SERPINI1: variants seen among roughly 807,000 people sequenced by gnomAD.
SERPINI1 encodes the protein neuroserpin.
In SERPINI1, 19 loss-of-function variants were observed where a neutral mutation model predicts 41.1. The ratio of observed to expected loss-of-function variants is 0.46; its 90% CI spans 0.32 to 0.68. The LOEUF (loss-of-function observed/expected upper bound fraction) is 0.68, where lower values mean the gene tolerates loss of function less well. Among genes scored for constraint, SERPINI1 ranks in the 30% least tolerant of loss-of-function variants. SERPINI1 has a pLI of 0.03. For missense variants in SERPINI1, 460 were observed against 479.2 expected, an observed-to-expected ratio of 0.96 and a Z score of 0.37; for synonymous variants, 138 against 156.6, an observed-to-expected ratio of 0.88 and a Z score of 0.89.
At chr3:167,776,454 C>A (rs9864616) in intron 1 of SERPINI1, among the ~76,000 whole-genome samples, 1 of 152,012 alleles carries the variant, frequency 6.6e-6, no homozygotes, top group Non-Finnish European at 1.5e-5. Context: ...AAAAGCCTTT[C>A]GAATTCCAAA....
At chr3:167,743,659 T>A (rs1214812966) in intron 1 of SERPINI1, among the ~76,000 whole-genome samples, 1 of 152,178 alleles carries the variant, frequency 6.6e-6, no homozygotes, top group African/African-American at 2.4e-5. Context: ...GTTTGGATTC[T>A]ATAGGGGAAT....
At chr3:167,773,001 G>C (rs940491433) in intron 1 of SERPINI1, among the ~76,000 whole-genome samples, 3 of 127,942 alleles carry the variant, frequency 2.3e-5, no homozygotes, top group Middle Eastern at 7.8e-3. Flanking sequence ...TTTCTCTGAA[G>C]TTTATCTGAC....
At chr3:167,756,606 A>C (rs1259891140) in intron 1 of SERPINI1, among the ~76,000 whole-genome samples, 1 of 152,214 alleles carries the variant, frequency 6.6e-6, no homozygotes, top group Non-Finnish European at 1.5e-5. Context: ...CGCAACACCC[A>C]GCCCTAAAAT....
chr3:167,767,849 C>T (rs192990851), intron 1 of SERPINI1, among the ~76,000 whole-genome samples: 5 of 152,262 alleles, frequency 3.3e-5, no homozygotes, highest in Admixed American at 2.6e-4. Context: ...TCTGCAATCT[C>T]ATGATCAAAT....
Position 167,814,382 on chromosome 3 carries a change from A to G in SERPINI1, c.979+7041A>G, listed in dbSNP as rs527904707. Among the ~76,000 whole-genome samples the G allele has an allele frequency of 9.2e-5, 14 of 152,330 alleles. No individual in the cohort carries two copies. The East Asian group carries it at 1.2e-3, about 13-fold the overall frequency. On this transcript the variant is annotated intron_variant, in intron 6 of 8. Transcript: ENST00000446050. ...AAGCAAACAAAGAAACATTATTCCT[A>G]TCGTAAGAGAACTCAAATTCTAGGA...
At chr3:167,793,636 C>G (rs1360574682) in intron 4 of SERPINI1, among the ~76,000 whole-genome samples, 1 of 146,920 alleles carries the variant, frequency 6.8e-6, no homozygotes, top group African/African-American at 2.6e-5. Context: ...ACCTATAGTC[C>G]TAGCTACTTG....
At chr3:167,747,081 T>C (rs1386464522) in intron 1 of SERPINI1, among the ~76,000 whole-genome samples, 1 of 152,224 alleles carries the variant, frequency 6.6e-6, no homozygotes, top group African/African-American at 2.4e-5. Context: ...AGTGGAATAT[T>C]ATTTGACGAT....
chr3:167,758,078 AC>A (rs1726247201), intron 1 of SERPINI1, among the ~76,000 whole-genome samples: 1 of 152,230 alleles, frequency 6.6e-6, no homozygotes, highest in East Asian at 1.9e-4. Context: ...TAATTCCTTT[AC>A]ACGGATTCAT....
intron 6 of SERPINI1, among the ~76,000 whole-genome samples, chr3:167,819,030 A>G (rs1350360188): frequency 6.6e-6 from 1 of 152,330 alleles, no homozygotes; most frequent in African/African-American, 2.4e-5. Context: ...TTGGCTCTTG[A>G]TGCTTAACTC....
At chr3:167,768,802 G>T (rs1726645753) in intron 1 of SERPINI1, among the ~76,000 whole-genome samples, 1 of 152,132 alleles carries the variant, frequency 6.6e-6, no homozygotes, top group African/African-American at 2.4e-5. Flanking sequence ...ATCCAGCACT[G>T]GCTGCTGCAG....
At chr3:167,765,264 C>T (rs1421568798) in intron 1 of SERPINI1, among the ~76,000 whole-genome samples, 1 of 152,240 alleles carries the variant, frequency 6.6e-6, no homozygotes, top group African/African-American at 2.4e-5. Context: ...TCTGCCTGGG[C>T]AATCAGGCGT....
At chr3:167,760,697 A>C (rs113423447) in intron 1 of SERPINI1, among the ~76,000 whole-genome samples, 26 of 152,202 alleles carry the variant, frequency 1.7e-4, no homozygotes, top group African/African-American at 5.8e-4. Context: ...ATCTGGCCAA[A>C]GATTACGCAA....
At chr3:167,765,234 T>A (rs1417265914) in intron 1 of SERPINI1, among the ~76,000 whole-genome samples, 1 of 152,124 alleles carries the variant, frequency 6.6e-6, no homozygotes, top group African/African-American at 2.4e-5. Flanking sequence ...TGCATGAGAG[T>A]CCCACCCCTG....
chr3:167,824,697 T>C (rs1005389228), intron 8 of SERPINI1, 135 bp downstream of exon 8: 4 of 614,018 alleles, frequency 6.5e-6, no homozygotes, highest in Non-Finnish European at 1.1e-5. Context: ...TTTCCAGAGA[T>C]TGACCAACTG....
At chr3:167,745,187 C>G (rs1000212689) in intron 1 of SERPINI1, among the ~76,000 whole-genome samples, 2 of 151,690 alleles carry the variant, frequency 1.3e-5, no homozygotes. Context: ...CAACAAAATA[C>G]TAGCAACCAA....
chr3:167,794,435 C>A (rs1727647248), intron 4 of SERPINI1, among the ~76,000 whole-genome samples, 185 bp from the exon 5 acceptor site: 1 of 151,464 alleles, frequency 6.6e-6, no homozygotes, highest in South Asian at 2.1e-4. Context: ...GATTTTATTT[C>A]AATACTTTTG....
intron 1 of SERPINI1, among the ~76,000 whole-genome samples, chr3:167,772,825 T>TCA (rs1280236346): frequency 0.17 from 2,529 of 15,238 alleles, 35 homozygotes; most frequent in Admixed American, 0.27. Flanking sequence ...ATCTTGAGAC[T>TCA]CTCTCTCTCT....
At chr3:167,814,456 A>G (rs1712002211) in intron 6 of SERPINI1, among the ~76,000 whole-genome samples, 1 of 152,246 alleles carries the variant, frequency 6.6e-6, no homozygotes, top group Non-Finnish European at 1.5e-5. Flanking sequence ...TATTTTGGCA[A>G]CTAAAGCACA....
At chr3:167,773,232 A>C (rs946557567) in intron 1 of SERPINI1, among the ~76,000 whole-genome samples, 1 of 152,062 alleles carries the variant, frequency 6.6e-6, no homozygotes, top group Non-Finnish European at 1.5e-5. Flanking sequence ...TACCTGTCCA[A>C]TGATGGGAAA....
Sources: allele counts gnomAD v4.1 joint callset (sites outside exome capture counted in the v4.1 genomes callset), GRCh38; gene constraint gnomAD v4.1.1; transcripts MANE v1.5; gene names NCBI Gene and HGNC (gene_info 2026-07-23, HGNC 2026-07-21).